DDX60: variants seen among roughly 807,000 people sequenced by gnomAD.
The protein encoded by DDX60 is DExD/H-box helicase 60, also known as probable ATP-dependent RNA helicase DDX60.
DDX60 carries 165 observed loss-of-function variants against 212.8 expected under a neutral mutation model. That is an observed-to-expected ratio of 0.78 (90% CI 0.68 to 0.88). The LOEUF is 0.88. Ranked by LOEUF, DDX60 falls within the 40% of genes least tolerant of loss-of-function variation. The pLI is 0.00. For missense variants in DDX60, 1,905 were observed against 2,003.9 expected (o/e 0.95, Z 0.94); for synonymous variants, 703 against 685.3 (o/e 1.03, Z -0.40).
chr4:168,237,971 T>C (rs971146835), intron 30 of DDX60, among the ~76,000 whole-genome samples, 176 bp from the exon 31 acceptor site: 1 of 152,040 alleles, frequency 6.6e-6, no homozygotes, highest in African/African-American at 2.4e-5. Context: ...TTTAACAAAA[T>C]AGAGCACATA....
chr4:168,225,998 C>T (rs1274687850), intron 33 of DDX60, among the ~76,000 whole-genome samples: 1 of 152,006 alleles, frequency 6.6e-6, no homozygotes, highest in Non-Finnish European at 1.5e-5. Flanking sequence ...ACTCTAGTGA[C>T]ACATTTGAAT....
intron 25 of DDX60, among the ~76,000 whole-genome samples, chr4:168,256,739 A>C (rs1385075653): frequency 2.0e-5 from 3 of 152,224 alleles, no homozygotes; most frequent in South Asian, 2.1e-4. Context: ...TTGGTGGCAA[A>C]ATGCTGTGGC....
intron 34 of DDX60, 106 bp from the exon 35 acceptor site, chr4:168,224,491 T>C (rs943904559): frequency 3.7e-6 from 4 of 1,080,830 alleles, no homozygotes; most frequent in East Asian, 2.5e-5. Flanking sequence ...TTCAGCTTCA[T>C]GTAATGAAGA....
intron 8 of DDX60, among the ~76,000 whole-genome samples, chr4:168,289,786 C>T (rs569002901): frequency 7.6e-4 from 115 of 152,240 alleles, no homozygotes; most frequent in Middle Eastern, 3.4e-3. Flanking sequence ...CCTCGTTACC[C>T]ATATTCAATC....
At chr4:168,224,182 A>C in intron 35 of DDX60, 61 bp downstream of exon 35, 1 of 1,580,152 alleles carries the variant, frequency 6.3e-7, no homozygotes, top group African/African-American at 1.4e-5. Context: ...TAAGCTGCCT[A>C]GCAATATAAA....
At chr4:168,323,920 C>T in the DDX60 span, among the ~76,000 whole-genome samples, 24,216 of 152,170 alleles carry the variant, frequency 0.16, 3,983 homozygotes, top group African/African-American at 0.42. Flanking sequence ...GATGGAAAGT[C>T]GCCACATTCC....
chr4:168,243,741 AATTCCATTGCTGGGT>A (rs1416527583), intron 30 of DDX60, among the ~76,000 whole-genome samples: 4 of 152,216 alleles, frequency 2.6e-5, no homozygotes, highest in Non-Finnish European at 5.9e-5. Context: ...TTGACCCAGC[AATTCCATTGCTGGGT>A]ATATGCCTAA....
chr4:168,302,652 ATAAT>A (rs996779610), intron 5 of DDX60, among the ~76,000 whole-genome samples: 1 of 152,232 alleles, frequency 6.6e-6, no homozygotes, highest in African/African-American at 2.4e-5. Context: ...TCATAAAAGT[ATAAT>A]TAACATAACA....
At chr4:168,322,705 G>A (rs1737630169), upstream of DDX60, among the ~76,000 whole-genome samples, 1 of 152,214 alleles carries the variant, frequency 6.6e-6, no homozygotes, top group Non-Finnish European at 1.5e-5. Flanking sequence ...CTAGGGGAAA[G>A]GGATGGCCAG....
At position 168,237,395 on chromosome 4, in the gene DDX60, C is replaced by A; in HGVS notation, c.4302G>T (p.Gly1434=). 5 of 1,593,070 alleles carry A rather than the reference C, an allele frequency of 3.1e-6. No individual in the cohort carries two copies. The highest frequency in any genetic ancestry group is 2.6e-6 in the Non-Finnish European group (3 of 1,171,262). ...GYLDQEGNPM[G]FAGLVSHLHY... ...GCAAATGTGATACAAGTCCAGCAAA[C>A]CCCATAGGATTACCTTCTTGATCTA... The change falls in exon 32 of 38, where the codon GGG becomes GGT. Residue 1434 remains glycine (G), a synonymous_variant. Coordinates refer to ENST00000393743, the MANE Select transcript of DDX60 (RefSeq NM_017631.6).
In DDX60 at chr4:168,216,817, C is replaced by T. The variant is rs1055037122; in HGVS notation, c.*116G>A. 2.5e-4 allele frequency: 155 copies of T among 618,518 alleles called. No homozygotes were observed. Among genetic ancestry groups the T allele is most frequent in the Middle Eastern group, 4.3e-4 (1 of 2,304 alleles). 38.3% of individuals were successfully genotyped at this position (618,518 alleles called of 1,614,324 possible). Reference sequence around the variant, plus strand: ...AAAGTGTTTGCTCTTTCCACTTCATCGTAATGTATTTCCACTTTATCATAA... The same window carrying T: ...AAAGTGTTTGCTCTTTCCACTTCATTGTAATGTATTTCCACTTTATCATAA... On this transcript the variant is annotated 3_prime_UTR_variant, in exon 38 of 38. Coordinates refer to ENST00000393743, the MANE Select transcript of DDX60 (RefSeq NM_017631.6).
chr4:168,272,152 T>C lies in DDX60; in HGVS notation c.2575-14A>G, dbSNP rs1735128927. On this transcript the variant is annotated splice_polypyrimidine_tract_variant and intron_variant, in intron 18 of 37. Transcript: ENST00000393743. ...TGTAATAAGTACCTACAAAGAATAATATTGTGTGAAGTAACATTTTGAGCA... is the reference window on the plus strand; with the variant it reads ...TGTAATAAGTACCTACAAAGAATAACATTGTGTGAAGTAACATTTTGAGCA... 1 of 1,556,188 alleles carries C rather than the reference T, an allele frequency of 6.4e-7. No homozygotes were observed. Among genetic ancestry groups the C allele is most frequent in the African/African-American group, 1.4e-5 (1 of 73,466 alleles).
chr4:168,276,162 T>C lies in DDX60; in HGVS notation c.1998A>G (p.Leu666=). Residue 666 remains leucine, a synonymous_variant, in exon 15 of 38, where the codon TTA becomes TTG. Coordinates refer to ENST00000393743, the MANE Select transcript of DDX60 (RefSeq NM_017631.6). ...TTTTCATCACCTGAACAGCTATACTTAAATCTTTCGTGGTTTTACCTTGAT... is the reference window on the plus strand; with the variant it reads ...TTTTCATCACCTGAACAGCTATACTCAAATCTTTCGTGGTTTTACCTTGAT... The part of the protein sequence containing the change: ...RSEEGKTTKD[L]SIAVQVMKRI... 6.2e-7 allele frequency: 1 copy of C among 1,608,008 alleles called. No individual in the cohort carries two copies. The highest frequency in any genetic ancestry group is 1.3e-5 in the African/African-American group (1 of 74,828).
At chr4:168,322,439 A>G (rs1469411770), upstream of DDX60, among the ~76,000 whole-genome samples, 2 of 152,138 alleles carry the variant, frequency 1.3e-5, no homozygotes, top group East Asian at 3.9e-4. Flanking sequence ...AGCAAGCCTC[A>G]TCATTTCTCA....
intron 32 of DDX60, among the ~76,000 whole-genome samples, chr4:168,236,819 T>G (rs760307439): frequency 1.3e-5 from 2 of 151,816 alleles, no homozygotes; most frequent in Non-Finnish European, 2.9e-5. Flanking sequence ...ATTAGCTATT[T>G]AGGTATACTA....
chr4:168,305,737 A>G (rs1736848037), intron 5 of DDX60, among the ~76,000 whole-genome samples: 1 of 151,628 alleles, frequency 6.6e-6, no homozygotes, highest in Admixed American at 6.6e-5. Flanking sequence ...CAAATATACT[A>G]ATGTATCAAA....
intron 30 of DDX60, among the ~76,000 whole-genome samples, chr4:168,245,257 A>C (rs1733982595): frequency 6.6e-6 from 1 of 152,208 alleles, no homozygotes; most frequent in East Asian, 1.9e-4. Flanking sequence ...TTGCATAAAC[A>C]GAAAAAAATA....
intron 5 of DDX60, among the ~76,000 whole-genome samples, chr4:168,303,212 G>A (rs1736721846): frequency 6.6e-6 from 1 of 151,154 alleles, no homozygotes; most frequent in South Asian, 2.1e-4. Context: ...TGAGGTAGGA[G>A]AATGGCGAGA....
intron 35 of DDX60, 116 bp from the exon 36 acceptor site, chr4:168,221,997 A>G (rs1463601798): frequency 1.8e-6 from 2 of 1,099,702 alleles, no homozygotes; most frequent in African/African-American, 1.6e-5. Context: ...CCCACTCTTC[A>G]CTGTGAAGTA....
Sources: allele counts gnomAD v4.1 joint callset (sites outside exome capture counted in the v4.1 genomes callset), GRCh38; gene constraint gnomAD v4.1.1; transcripts MANE v1.5; gene names NCBI Gene and HGNC (gene_info 2026-07-23, HGNC 2026-07-21).